MALSU1: variants seen among roughly 807,000 people sequenced by gnomAD.
The protein encoded by MALSU1 is mitochondrial assembly of ribosomal large subunit protein 1.
A neutral mutation model predicts 22.1 loss-of-function variants in MALSU1; 22 were observed. That is an observed-to-expected ratio of 1.00 (90% CI 0.71 to 1.42). The LOEUF (loss-of-function observed/expected upper bound fraction) is 1.42. Among genes scored for constraint, MALSU1 ranks in the 40% most tolerant of loss-of-function variants. MALSU1 has a pLI of 0.00. For synonymous variants in MALSU1, 153 were observed against 118.5 expected, an observed-to-expected ratio of 1.29 and a Z score of -1.89; for missense variants, 379 against 308.3, an observed-to-expected ratio of 1.23 and a Z score of -1.72.
chr7:23,301,862 G>A (rs772699376), intron 2 of MALSU1, among the ~76,000 whole-genome samples: 4 of 151,892 alleles, frequency 2.6e-5, no homozygotes, highest in Non-Finnish European at 4.4e-5. Flanking sequence ...CCAGCTACTC[G>A]GGAGGCTGAG....
At chr7:23,302,799 A>C (rs1411690573) in intron 2 of MALSU1, among the ~76,000 whole-genome samples, 1 of 152,130 alleles carries the variant, frequency 6.6e-6, no homozygotes, top group African/African-American at 2.4e-5. Flanking sequence ...TTTTGGAGAC[A>C]AGAGTCTCGC....
At chr7:23,304,599 G>T (rs199654) in intron 2 of MALSU1, among the ~76,000 whole-genome samples, 1 of 152,082 alleles carries the variant, frequency 6.6e-6, no homozygotes, top group South Asian at 2.1e-4. Context: ...TTCTGGGCTC[G>T]AGTGATCCTC....
intron 2 of MALSU1, among the ~76,000 whole-genome samples, chr7:23,305,039 T>C (rs1783706435): frequency 6.6e-6 from 1 of 152,116 alleles, no homozygotes; most frequent in Non-Finnish European, 1.5e-5. Context: ...CTTCTAAGAG[T>C]TTTATAGTTT....
chr7:23,300,588 C>T (rs1256338984), intron 1 of MALSU1, among the ~76,000 whole-genome samples: 2 of 152,218 alleles, frequency 1.3e-5, no homozygotes, highest in Non-Finnish European at 2.9e-5. Context: ...TCTGGTTCTA[C>T]TTGCATATGG....
chr7:23,300,694 C>T, intron 1 of MALSU1, 145 bp from the exon 2 acceptor site: 1 of 656,858 alleles, frequency 1.5e-6, no homozygotes, highest in Non-Finnish European at 2.6e-6. Context: ...GGTTCACCTT[C>T]CAGGAGGCCT....
At chr7:23,308,085 C>T (rs917488119) in intron 3 of MALSU1, 136 bp downstream of exon 3, 1 of 745,232 alleles carries the variant, frequency 1.3e-6, no homozygotes, top group East Asian at 2.6e-5. Flanking sequence ...TTTAAGGTAA[C>T]AAAAGTTTTT....
chr7:23,307,842 T>C (rs1783742416), intron 2 of MALSU1, 26 bp from the exon 3 acceptor site: 1 of 1,566,998 alleles, frequency 6.4e-7, no homozygotes, highest in Non-Finnish European at 8.8e-7. Context: ...CCCTCTCCCT[T>C]TAATAAACCA....
intron 2 of MALSU1, among the ~76,000 whole-genome samples, chr7:23,305,878 A>C (rs1783715824): frequency 6.6e-6 from 1 of 151,988 alleles, no homozygotes; most frequent in Admixed American, 6.6e-5. Flanking sequence ...TCATTGTACA[A>C]GTCTTTTGCT....
rs372762932 is a variant in MALSU1 at position 23,307,965 on chromosome 7, G to A, written c.517+16G>A. 17 of 1,567,856 alleles carry A rather than the reference G, an allele frequency of 1.1e-5. No individual in the cohort carries two copies. The highest frequency in any genetic ancestry group is 1.7e-4 in the Middle Eastern group (1 of 5,976). ...GTGGATTTTGGTAAGTTATTCTGGC[G>A]TATTTTACAGGTAACTGTTGGTACT... On this transcript the variant is annotated intron_variant, in intron 3 of 3. Transcript: ENST00000466681.
In MALSU1 at chr7:23,309,961, T is replaced by A. The variant is rs940271073; in HGVS notation, c.*418T>A. 1 of 152,044 alleles carries A rather than the reference T, an allele frequency of 6.6e-6. No homozygotes were observed. Among genetic ancestry groups the A allele is most frequent in the Non-Finnish European group, 1.5e-5 (1 of 68,394 alleles). The allele number at this position is 152,044 out of a possible 1,614,324, so 9.4% of individuals were successfully genotyped here. A position where few individuals can be genotyped will look rare whatever the true frequency, so the allele number is the denominator to read the frequency against. On this transcript the variant is annotated 3_prime_UTR_variant, in exon 4 of 4. Transcript: ENST00000466681. The stretch of plus-strand genomic sequence containing the variant: ...TTATTTTTATACTTTGAGGTGATAA[T>A]ATTCTTCTAGGAGGACTTCTGTAAC...
Position 23,311,227 on chromosome 7 carries a change from C to A in MALSU1, c.*1684C>A, listed in dbSNP as rs1043457523. 2.6e-5 allele frequency: 4 copies of A among 152,322 alleles called. No individual in the cohort carries two copies. Among genetic ancestry groups the A allele is most frequent in the Non-Finnish European group, 5.9e-5 (4 of 68,006 alleles). The allele number at this position is 152,322 out of a possible 1,614,324, so 9.4% of individuals were successfully genotyped here. Reference sequence around the variant, plus strand: ...CTTTTGTTGCGTTTAAACACTGTCACACCATCTATGACTGTCCCATTGGTC... The same window carrying A: ...CTTTTGTTGCGTTTAAACACTGTCAAACCATCTATGACTGTCCCATTGGTC... On this transcript the variant is annotated 3_prime_UTR_variant, in exon 4 of 4. Transcript: ENST00000466681.
At chr7:23,305,971 G>C (rs1022093449) in intron 2 of MALSU1, among the ~76,000 whole-genome samples, 1 of 152,164 alleles carries the variant, frequency 6.6e-6, no homozygotes, top group Non-Finnish European at 1.5e-5. Context: ...GAGGCAGGCA[G>C]ATCACCTGAG....
chr7:23,305,133 C>T (rs756214059), intron 2 of MALSU1, among the ~76,000 whole-genome samples: 9 of 152,160 alleles, frequency 5.9e-5, no homozygotes, highest in East Asian at 3.8e-4. Context: ...TCCTCAGCAA[C>T]GTTTGTTGGA....
intron 2 of MALSU1, 109 bp from the exon 3 acceptor site, chr7:23,307,759 G>C: frequency 1.4e-6 from 1 of 708,530 alleles, no homozygotes; most frequent in Non-Finnish European, 2.5e-6. Context: ...TGAGAAATGA[G>C]TAAGAAAGAT....
rs1015966890 is a variant in MALSU1 at position 23,299,694 on chromosome 7, A to G, written c.256+86A>G. ...CCAAGGTGGCTCTGGGTTCCCCTCT[A>G]TGTGCATTTCTCTTGGAGTCACAAA... On this transcript the variant is annotated intron_variant, in intron 1 of 3. Transcript: ENST00000466681. 7.5e-5 allele frequency: 107 copies of G among 1,422,146 alleles called. No individual in the cohort carries two copies. In the East Asian group the frequency reaches 1.0e-3, roughly 14 times the overall value. The allele number at this position is 1,422,146 out of a possible 1,614,324, so 88.1% of individuals were successfully genotyped here.
At chr7:23,305,371 G>T (rs532594470) in intron 2 of MALSU1, among the ~76,000 whole-genome samples, 1 of 151,998 alleles carries the variant, frequency 6.6e-6, no homozygotes, top group South Asian at 2.1e-4. Context: ...TGGCTATTTG[G>T]GGTTCCTTGA....
In MALSU1 at chr7:23,299,952, C is replaced by A. The variant is rs557702496; in HGVS notation, c.256+344C>A. Among the ~76,000 whole-genome samples the A allele has an allele frequency of 1.6e-4, 24 of 152,124 alleles. No individual in the cohort carries two copies. In the South Asian group the frequency reaches 4.6e-3, roughly 29 times the overall value. On this transcript the variant is annotated intron_variant, in intron 1 of 3. Coordinates refer to ENST00000466681, the MANE Select transcript of MALSU1 (RefSeq NM_138446.2). The stretch of plus-strand genomic sequence containing the variant: ...GTTGGGGCTTGAGGATTCTGAGGAG[C>A]CAGGGTCTGGGTGCGAAGGGGTGCG...
rs765975928 is a variant in MALSU1, at chr7:23,307,914, G to A, written c.482G>A (p.Gly161Glu). Reference sequence around the variant, plus strand: ...CGTGACCCTCATGTTAAGATAGAAGGGAAGGACACTGATGACTGGCTGTGC... The same window carrying A: ...CGTGACCCTCATGTTAAGATAGAAGAGAAGGACACTGATGACTGGCTGTGC... ...CKRDPHVKIE[G>E]KDTDDWLCVD... Residue 161 changes from glycine (G) to glutamate (E), a missense_variant, in exon 3 of 4, where the codon GGG becomes GAG. Physicochemically the swap from Gly to Glu is moderately conservative, Grantham distance 98. Transcript: ENST00000466681. 2 of 1,613,996 alleles carry A rather than the reference G, an allele frequency of 1.2e-6. No homozygotes were observed. Among genetic ancestry groups the A allele is most frequent in the Non-Finnish European group, 1.7e-6 (2 of 1,179,916 alleles).
Position 23,300,896 on chromosome 7 carries a change from A to T in MALSU1, c.314A>T (p.Asn105Ile), listed in dbSNP as rs758314819. Residue 105 changes from asparagine to isoleucine, a missense_variant, in exon 2 of 4, where the codon AAT (asparagine) becomes ATT (isoleucine). By Grantham distance (149) the Asn-to-Ile change is moderately radical. Coordinates refer to ENST00000466681, the MANE Select transcript of MALSU1 (RefSeq NM_138446.2). ...ATGGTTTCACTTCTGAGGCAAGAAAATGCAAGAGACATTTGTGTGATCCAG... is the reference window on the plus strand; with the variant it reads ...ATGGTTTCACTTCTGAGGCAAGAAATTGCAAGAGACATTTGTGTGATCCAG... ...DMMVSLLRQENARDICVIQVP... is the reference protein window; with the variant it reads ...DMMVSLLRQEIARDICVIQVP... 6 of 1,613,992 alleles carry T rather than the reference A, an allele frequency of 3.7e-6. No homozygotes were observed. The African/African-American group carries it at 8.0e-5, about 22-fold the overall frequency.
Sources: allele counts gnomAD v4.1 joint callset (sites outside exome capture counted in the v4.1 genomes callset), GRCh38; gene constraint gnomAD v4.1.1; transcripts MANE v1.5; gene names NCBI Gene and HGNC (gene_info 2026-07-23, HGNC 2026-07-21).